The following NCOA3 variants were observed in gnomAD, a reference collection of about 807,000 sequenced individuals.
The protein encoded by NCOA3 is nuclear receptor coactivator 3, also known as CBP-interacting protein.
In NCOA3, 51 loss-of-function variants were observed where a neutral mutation model predicts 158.8. The ratio of observed to expected loss-of-function variants is 0.32; its 90% CI spans 0.26 to 0.41. The LOEUF is 0.41. NCOA3 is among the 10% of genes least tolerant of loss of function. The pLI is 1.00. For synonymous variants in NCOA3, 537 were observed against 592.4 expected (o/e 0.91, Z 1.36); for missense variants, 1,510 against 1,746.6 (o/e 0.86, Z 2.41).
At chr20:47,535,642 G>C (rs924101054) in intron 1 of NCOA3, among the ~76,000 whole-genome samples, 1 of 151,888 alleles carries the variant, frequency 6.6e-6, no homozygotes, top group Non-Finnish European at 1.5e-5. Context: ...CGAGTAGCTG[G>C]GATTACAGGC....
intron 1 of NCOA3, among the ~76,000 whole-genome samples, chr20:47,552,797 G>C (rs907927715): frequency 6.6e-6 from 1 of 152,108 alleles, no homozygotes; most frequent in Non-Finnish European, 1.5e-5. Context: ...TCTTGTTCTA[G>C]AGAGAAAATC....
intron 1 of NCOA3, among the ~76,000 whole-genome samples, chr20:47,580,983 C>A (rs2146217362): frequency 6.6e-6 from 1 of 152,126 alleles, no homozygotes; most frequent in Non-Finnish European, 1.5e-5. Flanking sequence ...TGCCTGTAGT[C>A]CCAGCTCCTT....
intron 12 of NCOA3, 92 bp downstream of exon 12, chr20:47,636,854 TAAAG>T: frequency 1.7e-6 from 2 of 1,153,428 alleles, no homozygotes; most frequent in Non-Finnish European, 1.2e-6. Flanking sequence ...TAGGTTTATT[TAAAG>T]AAAGTTAAAT....
intron 1 of NCOA3, among the ~76,000 whole-genome samples, chr20:47,524,128 G>A (rs1681651824): frequency 6.6e-6 from 1 of 152,222 alleles, no homozygotes; most frequent in African/African-American, 2.4e-5. Context: ...TTTTACTCCT[G>A]TTAAAAGCAG....
At chr20:47,613,995 G>A (rs1217241992) in intron 2 of NCOA3, among the ~76,000 whole-genome samples, 1 of 151,944 alleles carries the variant, frequency 6.6e-6, no homozygotes, top group Non-Finnish European at 1.5e-5. Context: ...AGCATTGAAA[G>A]AAACAAAGGT....
chr20:47,581,420 A>G (rs1346397344), intron 1 of NCOA3, among the ~76,000 whole-genome samples: 3 of 152,122 alleles, frequency 2.0e-5, no homozygotes, highest in Non-Finnish European at 4.4e-5. Context: ...CTCTAATTTT[A>G]GTTTCAGAAA....
chr20:47,501,970 C>T lies in NCOA3; in HGVS notation c.-148C>T, dbSNP rs1352064703. On this transcript the variant is annotated 5_prime_UTR_variant, in exon 1 of 23. Coordinates refer to ENST00000371998, the MANE Select transcript of NCOA3 (RefSeq NM_181659.3). ...CGGCCGGCGGCGGCTGCGGGCTGAG[C>T]GGCGAGTTTCCGATTTAAAGCTGAG... The T allele has an allele frequency of 7.5e-6, 3 of 399,934 alleles. No individual in the cohort carries two copies. The highest frequency in any genetic ancestry group is 8.8e-6 in the Non-Finnish European group (2 of 227,038). 24.8% of individuals were successfully genotyped at this position (399,934 alleles called of 1,614,324 possible).
At position 47,527,462 on chromosome 20, in the gene NCOA3, A is replaced by G. The variant is rs1803379685; in HGVS notation, c.-99+25443A>G. On this transcript the variant is annotated intron_variant, in intron 1 of 22. Coordinates refer to ENST00000371998, the MANE Select transcript of NCOA3 (RefSeq NM_181659.3). ...GAGATTCATTCATGTTGTTGCATAT[A>G]TGAGTTCTTATTTTGTTTCTGAGTA... Among the ~76,000 whole-genome samples, 7 of 152,192 alleles carry G rather than the reference A, an allele frequency of 4.6e-5. No homozygotes were observed. The South Asian group carries it at 1.2e-3, about 27-fold the overall frequency.
chr20:47,584,963 C>T (rs1220076338), intron 2 of NCOA3, among the ~76,000 whole-genome samples: 2 of 151,256 alleles, frequency 1.3e-5, no homozygotes, highest in Non-Finnish European at 2.9e-5. Context: ...GCCTAACTTA[C>T]ATTTGCTGTT....
intron 1 of NCOA3, among the ~76,000 whole-genome samples, chr20:47,572,775 C>T (rs1473649564): frequency 6.6e-6 from 1 of 151,936 alleles, no homozygotes; most frequent in African/African-American, 2.4e-5. Context: ...GACTTCAAGT[C>T]ATCTGCCCGG....
intron 1 of NCOA3, among the ~76,000 whole-genome samples, chr20:47,570,969 C>CA (rs61166566): frequency 3.8e-5 from 4 of 105,462 alleles, no homozygotes; most frequent in African/African-American, 7.1e-5. Context: ...CACACACACA[C>CA]AAGTATATAC....
At chr20:47,599,779 A>G (rs528126643) in intron 2 of NCOA3, among the ~76,000 whole-genome samples, 1 of 152,350 alleles carries the variant, frequency 6.6e-6, no homozygotes, top group South Asian at 2.1e-4. Flanking sequence ...TATATGGTCA[A>G]TATGAATTCC....
At chr20:47,595,673 C>CTT (rs200632844) in intron 2 of NCOA3, among the ~76,000 whole-genome samples, 8 of 139,286 alleles carry the variant, frequency 5.7e-5, no homozygotes, top group Non-Finnish European at 1.3e-4. Context: ...TGACATAAGG[C>CTT]TTTTTTTTTT....
chr20:47,513,542 A>G (rs2084181164), intron 1 of NCOA3, among the ~76,000 whole-genome samples: 1 of 152,190 alleles, frequency 6.6e-6, no homozygotes, highest in Non-Finnish European at 1.5e-5. Flanking sequence ...CCTGGCCAAC[A>G]TGGCAAAATG....
At chr20:47,520,996 C>T (rs1291371887) in intron 1 of NCOA3, among the ~76,000 whole-genome samples, 1 of 152,220 alleles carries the variant, frequency 6.6e-6, no homozygotes, top group African/African-American at 2.4e-5. Flanking sequence ...TGATCATTCA[C>T]GCACATACAC....
rs1433619712 is a variant in NCOA3 at position 47,655,644 on chromosome 20, C to CA, written c.*2228dup. The CA allele has an allele frequency of 6.6e-6, 1 of 152,504 alleles. No individual in the cohort carries two copies. The highest frequency in any genetic ancestry group is 1.5e-5 in the Non-Finnish European group (1 of 68,012). The allele number at this position is 152,504 out of a possible 1,614,324, so 9.4% of individuals were successfully genotyped here. A position where few individuals can be genotyped will look rare whatever the true frequency, so the allele number is the denominator to read the frequency against. On this transcript the variant is annotated 3_prime_UTR_variant, in exon 23 of 23. Coordinates refer to ENST00000371998, the MANE Select transcript of NCOA3 (RefSeq NM_181659.3). ...GATAGTATACTCTCCTGTTTGGAGA[C>CA]AGAGGAAGAACCAGGTCAGTCTGTC... is the stretch of plus-strand genomic sequence containing the variant.
chr20:47,625,798 C>T (rs1457452631), intron 5 of NCOA3, among the ~76,000 whole-genome samples: 5 of 152,004 alleles, frequency 3.3e-5, no homozygotes, highest in African/African-American at 1.2e-4. Flanking sequence ...GTACAAATGG[C>T]CCTTCATATC....
intron 1 of NCOA3, among the ~76,000 whole-genome samples, chr20:47,505,378 A>G (rs112034236): frequency 2.8e-4 from 42 of 152,162 alleles, no homozygotes; most frequent in African/African-American, 9.4e-4. Context: ...TAAAAACTAT[A>G]TAATTTCACA....
At chr20:47,573,121 G>A (rs1427886658) in intron 1 of NCOA3, among the ~76,000 whole-genome samples, 1 of 152,120 alleles carries the variant, frequency 6.6e-6, no homozygotes, top group East Asian at 1.9e-4. Context: ...ATCGCAGGCT[G>A]GGCATGGTGG....
Sources: gnomAD v4.1 joint callset for allele counts (sites outside exome capture counted in the v4.1 genomes callset) on GRCh38, gnomAD v4.1.1 for gene constraint, MANE v1.5 for transcripts, NCBI Gene and HGNC (gene_info 2026-07-23, HGNC 2026-07-21) for gene names.